Variants in ITPR3 observed in about 807,000 individuals in gnomAD.
The protein encoded by ITPR3 is inositol 1,4,5-trisphosphate receptor type 3, also known as inositol 1,4,5-trisphosphate-gated calcium channel ITPR3.
ITPR3 carries 173 observed loss-of-function variants against 293.2 expected under a neutral mutation model. The ratio of observed to expected loss-of-function variants is 0.59; its 90% confidence interval spans 0.52 to 0.67. ITPR3 has a LOEUF of 0.67. Among genes scored for constraint, ITPR3 ranks in the 30% least tolerant of loss-of-function variants. ITPR3 has a pLI of 0.00. For missense variants in ITPR3, 2,796 were observed against 3,592.1 expected, an observed-to-expected ratio of 0.78 and a Z score of 5.66; for synonymous variants, 1,295 against 1,444.4, an observed-to-expected ratio of 0.90 and a Z score of 2.35.
chr6:33,679,755 A>C lies in ITPR3; in HGVS notation c.3973-127A>C. 8.2e-7 allele frequency: 1 copy of C among 1,218,660 alleles called. No individual in the cohort carries two copies. Among genetic ancestry groups the C allele is most frequent in the Non-Finnish European group, 1.1e-6 (1 of 894,936 alleles). The allele number at this position is 1,218,660 out of a possible 1,614,324, so 75.5% of individuals were successfully genotyped here. On this transcript the variant is annotated intron_variant, in intron 30 of 57. Coordinates refer to ENST00000605930, the MANE Select transcript of ITPR3 (RefSeq NM_002224.4). This position sits in a 1 kb window ranked among gnomAD's most constrained non-coding sequence, Gnocchi z 4.2. ...GGAACCCCCAAATCCCAGCCAGGGG[A>C]GGGTTTTCCTGATTTCAGGTAAGGG...
chr6:33,663,441 G>C, intron 9 of ITPR3, 59 bp from the exon 10 acceptor site: 1 of 1,514,726 alleles, frequency 6.6e-7, no homozygotes, highest in Non-Finnish European at 9.0e-7. Flanking sequence ...TTTTGCAGTG[G>C]GTCGTGTGGG....
At chr6:33,628,400 G>T (rs901111684) in intron 1 of ITPR3, among the ~76,000 whole-genome samples, 2 of 152,362 alleles carry the variant, frequency 1.3e-5, no homozygotes, top group African/African-American at 2.4e-5. Context: ...GGCTGGTCAT[G>T]CGAAAGGTGC....
At position 33,636,559 on chromosome 6, in the gene ITPR3, G is replaced by A. The variant is rs368133036; in HGVS notation, c.90-3925G>A. Reference sequence around the variant, plus strand: ...GTGTGAGTGGAAGGGAGGAGCCAAGGATAGGTCCAAGGTTTTTGGACCAAG... The same window carrying A: ...GTGTGAGTGGAAGGGAGGAGCCAAGAATAGGTCCAAGGTTTTTGGACCAAG... On this transcript the variant is annotated intron_variant, in intron 1 of 57. Coordinates refer to ENST00000605930, the MANE Select transcript of ITPR3 (RefSeq NM_002224.4). Among the ~76,000 whole-genome samples, 40 of 152,092 alleles carry A rather than the reference G, an allele frequency of 2.6e-4. No homozygotes were observed. In the East Asian group the frequency reaches 3.3e-3, roughly 13 times the overall value.
chr6:33,681,117 C>G (rs965843526), intron 33 of ITPR3, among the ~76,000 whole-genome samples: 12 of 152,208 alleles, frequency 7.9e-5, no homozygotes, highest in African/African-American at 2.9e-4. Flanking sequence ...CCGCGCCCGG[C>G]CTAAGTATAT....
Position 33,632,232 on chromosome 6 carries a change from G to A in ITPR3, c.90-8252G>A, listed in dbSNP as rs1763699662. Among the ~76,000 whole-genome samples the A allele has an allele frequency of 6.9e-6, 1 of 144,818 alleles. No individual in the cohort carries two copies. Among genetic ancestry groups the A allele is most frequent in the African/African-American group, 2.5e-5 (1 of 39,924 alleles). On this transcript the variant is annotated intron_variant, in intron 1 of 57. Coordinates refer to ENST00000605930, the MANE Select transcript of ITPR3 (RefSeq NM_002224.4). The surrounding 1 kb of genome is among the most constrained non-coding windows in gnomAD (Gnocchi z 4.1). ...ACAGTTTTCTCATCCACAGCTGAAT[G>A]GGGGTGGGGGGAGGGTTGTTCAGGG...
At position 33,648,931 on chromosome 6, in the gene ITPR3, G is replaced by A. The variant is rs185485790; in HGVS notation, c.161-6835G>A. ...TTTTTTTTTTCCAAGACGGAGTCTC[G>A]CTCTGTCTTCCAGGCTGGAGTGCAG... On this transcript the variant is annotated intron_variant, in intron 2 of 57. Transcript: ENST00000605930. Among the ~76,000 whole-genome samples the A allele has an allele frequency of 1.1e-4, 16 of 149,508 alleles. No individual in the cohort carries two copies. In the East Asian group the frequency reaches 2.0e-3, roughly 19 times the overall value.
chr6:33,688,831 C>G (rs763059105), intron 49 of ITPR3, 50 bp downstream of exon 49: 1 of 1,613,056 alleles, frequency 6.2e-7, no homozygotes, highest in South Asian at 1.1e-5. Flanking sequence ...GCCATGCTTC[C>G]TCCCTGGGTT....
At chr6:33,651,778 G>A (rs79592126) in intron 2 of ITPR3, among the ~76,000 whole-genome samples, 1,844 of 152,236 alleles carry the variant, frequency 0.012, 16 homozygotes, top group South Asian at 0.025. Context: ...TGTTTTAGTT[G>A]CTTTCTGTCA....
chr6:33,670,966 T>C lies in ITPR3; in HGVS notation c.2586+151T>C. The C allele has an allele frequency of 1.5e-6, 2 of 1,311,410 alleles. No individual in the cohort carries two copies. The highest frequency in any genetic ancestry group is 1.4e-5 in the South Asian group (1 of 72,184). The allele number at this position is 1,311,410 out of a possible 1,614,324, so 81.2% of individuals were successfully genotyped here. A position where few individuals can be genotyped will look rare whatever the true frequency, so the allele number is the denominator to read the frequency against. On this transcript the variant is annotated intron_variant, in intron 20 of 57. Transcript: ENST00000605930. This position sits in a 1 kb window ranked among gnomAD's most constrained non-coding sequence, Gnocchi z 6.7. Reference sequence around the variant, plus strand: ...AGTGCAGGGGGACCGCATAGAAGGCTGGGATTCTCCAAGAGGCAGGCTCCT... The same window carrying C: ...AGTGCAGGGGGACCGCATAGAAGGCCGGGATTCTCCAAGAGGCAGGCTCCT...
Position 33,693,710 on chromosome 6 carries a change from G to C in ITPR3, c.7785+5G>C. 1 of 1,613,744 alleles carries C rather than the reference G, an allele frequency of 6.2e-7. No individual in the cohort carries two copies. Among genetic ancestry groups the C allele is most frequent in the Non-Finnish European group, 8.5e-7 (1 of 1,179,794 alleles). ...TACGTGGCCCAGATGATCAAGGTGTGAGCAGGGGCTGTGCCAGGCCTGTGG... is the reference window on the plus strand; with the variant it reads ...TACGTGGCCCAGATGATCAAGGTGTCAGCAGGGGCTGTGCCAGGCCTGTGG... On this transcript the variant is annotated splice_donor_5th_base_variant and intron_variant, in intron 56 of 57. Coordinates refer to ENST00000605930, the MANE Select transcript of ITPR3 (RefSeq NM_002224.4).
intron 43 of ITPR3, 138 bp from the exon 44 acceptor site, chr6:33,686,871 G>C (rs1355127044): frequency 1.4e-6 from 1 of 713,456 alleles, no homozygotes; most frequent in Admixed American, 2.3e-5. Flanking sequence ...ATTAAGCCGG[G>C]GGGAGGGAGG....
At chr6:33,657,906 C>G in intron 3 of ITPR3, 26 bp from the exon 4 acceptor site, 1 of 1,609,114 alleles carries the variant, frequency 6.2e-7, no homozygotes, top group Non-Finnish European at 8.5e-7. Context: ...TGAGCCCACC[C>G]TTCACTTCTG....
chr6:33,635,545 G>A (rs1435970395), intron 1 of ITPR3, among the ~76,000 whole-genome samples: 2 of 152,228 alleles, frequency 1.3e-5, no homozygotes, highest in African/African-American at 2.4e-5. Context: ...GTCAGGCTAA[G>A]GGATAGTAAA....
chr6:33,691,887 G>A lies in ITPR3; in HGVS notation c.7417G>A (p.Gly2473Ser), dbSNP rs756514782. ...VTVMNHGLRN[G>S]GGVGDILRKP... ...TGTCATGAACCATGGGCTACGCAAC[G>A]GTGGTGGCGTGGGCGACATTCTCCG... Residue 2473 changes from glycine to serine, a missense_variant, in exon 54 of 58, where the codon GGT becomes AGT. This residue lies in a region of ITPR3 where 568 missense variants were observed against 796.1 expected (regional missense o/e 0.71). Coordinates refer to ENST00000605930, the MANE Select transcript of ITPR3 (RefSeq NM_002224.4). The surrounding 1 kb of genome is among the most constrained non-coding windows in gnomAD (Gnocchi z 4.9). 3.7e-6 allele frequency: 6 copies of A among 1,614,038 alleles called. No individual in the cohort carries two copies. The highest frequency in any genetic ancestry group is 2.2e-5 in the South Asian group (2 of 91,090).
In ITPR3 at chr6:33,657,823, GT is replaced by G. The variant is rs3831079; in HGVS notation, c.283-108del. 287,546 of 815,184 alleles carry G rather than the reference GT, an allele frequency of 0.35. 55,051 individuals carry two copies. The highest frequency in any genetic ancestry group is 0.52 in the South Asian group (35,827 of 68,670). The allele number at this position is 815,184 out of a possible 1,614,324, so 50.5% of individuals were successfully genotyped here. On this transcript the variant is annotated intron_variant, in intron 3 of 57. Coordinates refer to ENST00000605930, the MANE Select transcript of ITPR3 (RefSeq NM_002224.4). Reference sequence around the variant, plus strand: ...CCTGGAGTCCAGGGTGACTGTGTGTGTGTGTGTGTGTTTGTGTGCATGTGTG... The same window carrying G: ...CCTGGAGTCCAGGGTGACTGTGTGTGGTGTGTGTGTTTGTGTGCATGTGTG...
rs1183678614 is a variant in ITPR3 at position 33,632,545 on chromosome 6, G to A, written c.90-7939G>A. On this transcript the variant is annotated intron_variant, in intron 1 of 57. Transcript: ENST00000605930. This position sits in a 1 kb window ranked among gnomAD's most constrained non-coding sequence, Gnocchi z 4.1. ...TCTCCTACCTCAGATCAAGGTCTTGGGGTGTAGACCCCGTGGGCATTTCAG... is the reference window on the plus strand; with the variant it reads ...TCTCCTACCTCAGATCAAGGTCTTGAGGTGTAGACCCCGTGGGCATTTCAG... 6.6e-6 allele frequency among the ~76,000 whole-genome samples: 1 copy of A among 152,184 alleles called. No homozygotes were observed.
chr6:33,687,089 G>A lies in ITPR3; in HGVS notation c.6060G>A (p.Leu2020=). 1.2e-6 allele frequency: 2 copies of A among 1,614,042 alleles called. No homozygotes were observed. Among genetic ancestry groups the A allele is most frequent in the Non-Finnish European group, 1.7e-6 (2 of 1,179,976 alleles). The change falls in exon 44 of 58, where the codon CTG becomes CTA. Residue 2020 remains leucine, a synonymous_variant. Coordinates refer to ENST00000605930, the MANE Select transcript of ITPR3 (RefSeq NM_002224.4). This position sits in a 1 kb window ranked among gnomAD's most constrained non-coding sequence, Gnocchi z 5.3. The part of the protein sequence containing the change: ...SENAERILIS[L]RPQELVDVIK... ...ATGCTGAGCGAATCCTCATCAGCCT[G>A]CGGCCCCAGGAGCTGGTGAGGCTGG...
In ITPR3 at chr6:33,687,323, T is replaced by C; in HGVS notation, c.6173T>C (p.Leu2058Pro). The C allele has an allele frequency of 6.2e-7, 1 of 1,606,858 alleles. No individual in the cohort carries two copies. Among genetic ancestry groups the C allele is most frequent in the South Asian group, 1.1e-5 (1 of 90,780 alleles). The change falls in exon 45 of 58, where the codon CTG becomes CCG. Residue 2058 changes from leucine to proline, a missense_variant. Leu to Pro is a moderately conservative substitution (Grantham distance 98). Coordinates refer to ENST00000605930, the MANE Select transcript of ITPR3 (RefSeq NM_002224.4). The surrounding 1 kb of genome is among the most constrained non-coding windows in gnomAD (Gnocchi z 5.3). ...GGCCATAACATCTATATCCTGGCGC[T>C]GCAGGTACCAGTTCCACCCGTGGCA... ...EVGHNIYILALQLSRHNKQLQ... is the reference protein window; with the variant it reads ...EVGHNIYILAPQLSRHNKQLQ...
intron 2 of ITPR3, among the ~76,000 whole-genome samples, chr6:33,653,905 G>A (rs7771330): frequency 0.05 from 7,577 of 152,272 alleles, 224 homozygotes; most frequent in African/African-American, 0.07. Flanking sequence ...GAAGCCCTGG[G>A]AGTGCCAACC....
Sources: gnomAD v4.1 joint callset for allele counts (sites outside exome capture counted in the v4.1 genomes callset) on GRCh38, gnomAD v4.1.1 for gene constraint, gnomAD v4.1.1 regional missense constraint, Gnocchi (gnomAD v3.1) non-coding constraint, MANE v1.5 for transcripts, NCBI Gene and HGNC (gene_info 2026-07-23, HGNC 2026-07-21) for gene names.